The following PPIP5K2 variants were observed in gnomAD, a reference collection of about 807,000 sequenced individuals.
PPIP5K2 encodes the protein inositol hexakisphosphate and diphosphoinositol-pentakisphosphate kinase 2.
PPIP5K2 carries 105 observed loss-of-function variants against 154.6 expected under a neutral mutation model. The ratio of observed to expected loss-of-function variants is 0.68; its 90% CI spans 0.58 to 0.80. The LOEUF is 0.80. Among genes scored for constraint, PPIP5K2 ranks in the 30% least tolerant of loss-of-function variants. The probability of loss-of-function intolerance (pLI) is 0.00; values close to 1 mark genes in which losing one functional copy is unlikely to be tolerated. For synonymous variants in PPIP5K2, 480 were observed against 490.3 expected, an observed-to-expected ratio of 0.98 and a Z score of 0.28; for missense variants, 992 against 1,504.6, an observed-to-expected ratio of 0.66 and a Z score of 5.64.
intron 13 of PPIP5K2, 61 bp from the exon 14 acceptor site, chr5:103,155,848 G>T: frequency 1.9e-6 from 2 of 1,047,934 alleles, no homozygotes; most frequent in East Asian, 2.4e-5. Flanking sequence ...AAGGGAGCAT[G>T]AATATGTGAG....
At chr5:103,200,516 T>A (rs927897496) in intron 30 of PPIP5K2, among the ~76,000 whole-genome samples, 2 of 151,966 alleles carry the variant, frequency 1.3e-5, no homozygotes, top group South Asian at 4.2e-4. Flanking sequence ...TGTATATTTG[T>A]TATCTGTGGG....
chr5:103,183,479 C>A, intron 25 of PPIP5K2, 72 bp downstream of exon 25: 1 of 1,265,626 alleles, frequency 7.9e-7, no homozygotes, highest in Non-Finnish European at 1.1e-6. Flanking sequence ...TCTTTGAGGA[C>A]ATCTAATCCC....
At chr5:103,135,003 T>C (rs1274323362) in intron 3 of PPIP5K2, among the ~76,000 whole-genome samples, 3 of 152,200 alleles carry the variant, frequency 2.0e-5, no homozygotes, top group African/African-American at 7.2e-5. Context: ...TTTTAATACT[T>C]TTTCTCTTAA....
Position 103,155,988 on chromosome 5 carries a change from G to A in PPIP5K2, c.1483G>A (p.Glu495Lys). 1 of 1,574,882 alleles carries A rather than the reference G, an allele frequency of 6.3e-7. No individual in the cohort carries two copies. Among genetic ancestry groups the A allele is most frequent in the Non-Finnish European group, 8.7e-7 (1 of 1,144,632 alleles). Residue 495 changes from glutamate (E) to lysine (K), a missense_variant, in exon 14 of 31, where the codon GAG (glutamate) becomes AAG (lysine). This residue lies in a region of PPIP5K2 where 163 missense variants were observed against 285.2 expected (regional missense o/e 0.57). Transcript: ENST00000358359. Reference protein sequence around the residue: ...PHGCPKTSSEEEDSRREEPSL... With the variant: ...PHGCPKTSSEKEDSRREEPSL... The stretch of plus-strand genomic sequence containing the variant: ...TGGTTGTCCTAAAACATCTAGTGAA[G>A]AGGAGGGTATGTTATTCTTAATGCT...
intron 24 of PPIP5K2, among the ~76,000 whole-genome samples, chr5:103,182,200 A>G (rs1423966763): frequency 1.3e-5 from 2 of 152,136 alleles, no homozygotes; most frequent in East Asian, 1.9e-4. Context: ...TCACCATTAA[A>G]CCCTCTCCTC....
chr5:103,168,156 G>A lies in PPIP5K2; in HGVS notation c.2147G>A (p.Gly716Glu). The A allele has an allele frequency of 3.7e-6, 6 of 1,609,496 alleles. No individual in the cohort carries two copies. Among genetic ancestry groups the A allele is most frequent in the Non-Finnish European group, 5.1e-6 (6 of 1,176,700 alleles). Residue 716 changes from glycine (G) to glutamate (E), a missense_variant, in exon 19 of 31, where the codon GGA becomes GAA. By Grantham distance (98) the Gly-to-Glu change is moderately conservative (BLOSUM62 -2). Transcript: ENST00000358359. The stretch of plus-strand genomic sequence containing the variant: ...GAGAAAGACTTTAAAACAAAGAATG[G>A]AAGATATGATATTAGTAAAATCCCT... The part of the protein sequence containing the change: ...KLEKDFKTKN[G>E]RYDISKIPDI...
chr5:103,194,588 C>T (rs1554227861), intron 29 of PPIP5K2, among the ~76,000 whole-genome samples: 1 of 152,102 alleles, frequency 6.6e-6, no homozygotes, highest in African/African-American at 2.4e-5. Context: ...GCCATTAGCT[C>T]TTTTCCATGC....
rs782292700 is a variant in PPIP5K2, at chr5:103,129,648, A to G, written c.59A>G (p.Asn20Ser). ...GAAGATACAGAAATAAATCCTGGAA[A>G]TTATCGACATTTCTTCCACCATGCA... ...GPEDTEINPG[N>S]YRHFFHHADE... The change falls in exon 2 of 31, where the codon AAT (asparagine) becomes AGT (serine). Residue 20 changes from asparagine to serine, a missense_variant. Around this residue, in one of 9 missense-constraint regions of PPIP5K2, gnomAD observed 153 missense variants for 200.4 expected, o/e 0.76. Transcript: ENST00000358359. 6.2e-7 allele frequency: 1 copy of G among 1,609,816 alleles called. No individual in the cohort carries two copies. The highest frequency in any genetic ancestry group is 8.5e-7 in the Non-Finnish European group (1 of 1,178,722).
At chr5:103,178,900 T>C (rs1799111099) in intron 23 of PPIP5K2, among the ~76,000 whole-genome samples, 1 of 151,922 alleles carries the variant, frequency 6.6e-6, no homozygotes, top group African/African-American at 2.4e-5. Context: ...GATTTATTTA[T>C]GATAAATTAA....
In PPIP5K2 at chr5:103,206,951, C is replaced by A. The variant is rs1554232320; in HGVS notation, c.*5317C>A. 4 of 152,220 alleles carry A rather than the reference C, an allele frequency of 2.6e-5. No individual in the cohort carries two copies. The highest frequency in any genetic ancestry group is 6.5e-5 in the Admixed American group (1 of 15,278). The allele number at this position is 152,220 out of a possible 1,614,324, so 9.4% of individuals were successfully genotyped here. On this transcript the variant is annotated 3_prime_UTR_variant, in exon 31 of 31. Coordinates refer to ENST00000358359, the MANE Select transcript of PPIP5K2 (RefSeq NM_001276277.3). ...ACTGAGTCAGAGTGGAGATGAGTGT[C>A]TCAGTCAAGGCCCACCAATAGCGAG... is the stretch of plus-strand genomic sequence containing the variant.
intron 5 of PPIP5K2, among the ~76,000 whole-genome samples, chr5:103,145,824 G>T (rs1270714222): frequency 6.6e-6 from 1 of 151,986 alleles, no homozygotes; most frequent in African/African-American, 2.4e-5. Flanking sequence ...GCACAATAGG[G>T]TGACTATAGT....
chr5:103,141,370 C>T (rs1205214733), intron 5 of PPIP5K2, among the ~76,000 whole-genome samples: 1 of 152,066 alleles, frequency 6.6e-6, no homozygotes, highest in African/African-American at 2.4e-5. Context: ...GTGAGTGTTA[C>T]AGCTCTTAAG....
rs940615382 is a variant in PPIP5K2 at position 103,204,228 on chromosome 5, C to G, written c.*2594C>G. ...CATACTTTGGTAGAAATTTCTCAGT[C>G]TTTGTGTATTTATAAGAATTTGCTT... On this transcript the variant is annotated 3_prime_UTR_variant, in exon 31 of 31. Transcript: ENST00000358359. The G allele has an allele frequency of 2.6e-5, 4 of 152,096 alleles. No homozygotes were observed. The highest frequency in any genetic ancestry group is 4.4e-5 in the Non-Finnish European group (3 of 68,024). 9.4% of individuals were successfully genotyped at this position (152,096 alleles called of 1,614,324 possible).
At chr5:103,195,924 T>C (rs1802021152) in intron 30 of PPIP5K2, among the ~76,000 whole-genome samples, 1 of 152,208 alleles carries the variant, frequency 6.6e-6, no homozygotes, top group African/African-American at 2.4e-5. Context: ...ACTTATTAGC[T>C]ATGTGACTCT....
intron 30 of PPIP5K2, among the ~76,000 whole-genome samples, chr5:103,197,267 T>C (rs968258937): frequency 6.6e-6 from 1 of 152,116 alleles, no homozygotes; most frequent in African/African-American, 2.4e-5. Context: ...TCCTTGAATG[T>C]TTGATAGAAT....
rs1803849403 is a variant in PPIP5K2, at chr5:103,212,311, A to G, written c.*10677A>G. 1 of 152,778 alleles carries G rather than the reference A, an allele frequency of 6.5e-6. No individual in the cohort carries two copies. The highest frequency in any genetic ancestry group is 2.4e-5 in the African/African-American group (1 of 41,444). 9.5% of individuals were successfully genotyped at this position (152,778 alleles called of 1,614,324 possible). On this transcript the variant is annotated 3_prime_UTR_variant, in exon 31 of 31. Coordinates refer to ENST00000358359, the MANE Select transcript of PPIP5K2 (RefSeq NM_001276277.3). ...CCAGGGCACACACATGACTCCCGCA[A>G]TAGGAAACCACACTGAAGACATTCT...
In PPIP5K2 at chr5:103,177,733, A is replaced by G. The variant is rs1554221444; in HGVS notation, c.2596A>G (p.Met866Val). The G allele has an allele frequency of 1.2e-6, 2 of 1,612,228 alleles. No individual in the cohort carries two copies. Among genetic ancestry groups the G allele is most frequent in the Non-Finnish European group, 1.7e-6 (2 of 1,178,972 alleles). Reference sequence around the variant, plus strand: ...AAACGTTGTCAATGAGCTCAACTACATGACTCAGATTGTTATCATGCTTTA... The same window carrying G: ...AAACGTTGTCAATGAGCTCAACTACGTGACTCAGATTGTTATCATGCTTTA... ...YLNVVNELNY[M>V]TQIVIMLYED... Residue 866 changes from methionine (M) to valine (V), a missense_variant, in exon 22 of 31, where the codon ATG becomes GTG. By Grantham distance (21) the Met-to-Val change is conservative. This residue lies in a region of PPIP5K2 where 157 missense variants were observed against 281.2 expected (regional missense o/e 0.56). Transcript: ENST00000358359.
At position 103,171,972 on chromosome 5, in the gene PPIP5K2, C is replaced by G. The variant is rs539930754; in HGVS notation, c.2287-1183C>G. Among the ~76,000 whole-genome samples the G allele has an allele frequency of 1.3e-4, 20 of 151,606 alleles. No homozygotes were observed. The South Asian group carries it at 3.7e-3, about 28-fold the overall frequency. On this transcript the variant is annotated intron_variant, in intron 19 of 30. Transcript: ENST00000358359. ...ATTTAACCAACTTGTCTTTGGAAAT[C>G]TAGACTTTTAAAATTTGTTTCACTC...
chr5:103,130,886 C>G (rs915111398), intron 2 of PPIP5K2, among the ~76,000 whole-genome samples: 3 of 152,268 alleles, frequency 2.0e-5, no homozygotes, highest in Admixed American at 2.0e-4. Context: ...GCTTTTATGT[C>G]TCATCTATAT....
Sources: gnomAD v4.1 joint callset for allele counts (sites outside exome capture counted in the v4.1 genomes callset) on GRCh38, gnomAD v4.1.1 for gene constraint, gnomAD v4.1.1 regional missense constraint, MANE v1.5 for transcripts, NCBI Gene and HGNC (gene_info 2026-07-23, HGNC 2026-07-21) for gene names.